Variants in CADPS2 observed in about 807,000 individuals in gnomAD.
The protein encoded by CADPS2 is calcium dependent secretion activator 2.
CADPS2 carries 93 observed loss-of-function variants against 172.5 expected under a neutral mutation model. The observed-to-expected ratio is 0.54, with a 90% CI of 0.46 to 0.64. The LOEUF is 0.64. Among genes scored for constraint, CADPS2 ranks in the 30% least tolerant of loss-of-function variants. CADPS2 has a pLI of 0.00. For synonymous variants in CADPS2, 546 were observed against 555.2 expected (o/e 0.98, Z 0.23); for missense variants, 1,420 against 1,565.9 (o/e 0.91, Z 1.57).
At chr7:122,711,246 C>T (rs777865884) in intron 2 of CADPS2, among the ~76,000 whole-genome samples, 1 of 152,090 alleles carries the variant, frequency 6.6e-6, no homozygotes, top group African/African-American at 2.4e-5. Flanking sequence ...GAATAATATG[C>T]AGCCATAAAG....
intron 1 of CADPS2, among the ~76,000 whole-genome samples, chr7:122,815,505 A>T (rs1159201871): frequency 6.6e-6 from 1 of 152,158 alleles, no homozygotes; most frequent in Admixed American, 6.5e-5. Context: ...GAAAACAAGT[A>T]TAAGTTTTCC....
At chr7:122,343,199 G>T (rs2037048447) in intron 28 of CADPS2, among the ~76,000 whole-genome samples, 1 of 152,060 alleles carries the variant, frequency 6.6e-6, no homozygotes, top group Non-Finnish European at 1.5e-5. Context: ...TAATAAAAAT[G>T]TGCAATTTAA....
intron 1 of CADPS2, among the ~76,000 whole-genome samples, chr7:122,837,010 T>C (rs554614064): frequency 1.9e-4 from 29 of 149,622 alleles, no homozygotes; most frequent in South Asian, 1.7e-3. Flanking sequence ...TATTCCAAAA[T>C]TGACCACACA....
At chr7:122,717,977 A>ATTTTTTTT (rs36154725) in intron 2 of CADPS2, among the ~76,000 whole-genome samples, 1 of 87,174 alleles carries the variant, frequency 1.1e-5, no homozygotes, top group African/African-American at 4.2e-5. Flanking sequence ...CACTCGGCTA[A>ATTTTTTTT]TTTTTTTTTT....
chr7:122,850,484 G>C (rs1799231932), intron 1 of CADPS2: 2 of 227,840 alleles, frequency 8.8e-6, no homozygotes, highest in African/African-American at 4.6e-5. Context: ...TGTCTTCCTT[G>C]TGGCAGGGGG....
intron 1 of CADPS2, among the ~76,000 whole-genome samples, chr7:122,816,759 C>T (rs960679341): frequency 5.3e-5 from 8 of 152,156 alleles, no homozygotes; most frequent in South Asian, 2.1e-4. Context: ...GCCAAGCCAT[C>T]GCATCCCCTG....
chr7:122,387,140 C>T lies in CADPS2; in HGVS notation c.3198G>A (p.Lys1066=). 2 of 1,580,120 alleles carry T rather than the reference C, an allele frequency of 1.3e-6. No individual in the cohort carries two copies. The highest frequency in any genetic ancestry group is 1.7e-6 in the Non-Finnish European group (2 of 1,160,796). The change falls in exon 24 of 30, where the codon AAG becomes AAA. Residue 1066 remains lysine (K), a synonymous_variant. Transcript: ENST00000449022. ...TGCGCAAGTCAGTTGTTTTGCTTGC[C>T]TTTTGTAGCTTGAGTTCAAATGCAG... is the stretch of plus-strand genomic sequence containing the variant. ...TRTAFELKLQ[K]ASKTTDLRIP...
At chr7:122,725,863 G>A (rs566718006) in intron 2 of CADPS2, among the ~76,000 whole-genome samples, 1 of 151,968 alleles carries the variant, frequency 6.6e-6, no homozygotes, top group South Asian at 2.1e-4. Context: ...GTACTTAAGA[G>A]CAAGGTAGAA....
chr7:122,566,470 G>A (rs1036691100), intron 7 of CADPS2, among the ~76,000 whole-genome samples: 6 of 152,102 alleles, frequency 3.9e-5, no homozygotes, highest in African/African-American at 1.4e-4. Context: ...GCACTCCAAT[G>A]TTCATTGCAG....
chr7:122,320,082 G>A lies in CADPS2; in HGVS notation c.*83C>T. On this transcript the variant is annotated 3_prime_UTR_variant, in exon 30 of 30. Coordinates refer to ENST00000449022, the MANE Select transcript of CADPS2 (RefSeq NM_017954.11). ...TTTTTATTTGGCCAAAACAAACAATGAATGTAATTACAAGGACAAGGTTAA... is the reference window on the plus strand; with the variant it reads ...TTTTTATTTGGCCAAAACAAACAATAAATGTAATTACAAGGACAAGGTTAA... The A allele has an allele frequency of 7.9e-7, 1 of 1,262,814 alleles. No individual in the cohort carries two copies. 78.2% of individuals were successfully genotyped at this position (1,262,814 alleles called of 1,614,324 possible). A position where few individuals can be genotyped will look rare whatever the true frequency, so the allele number is the denominator to read the frequency against.
At chr7:122,681,752 A>G in intron 2 of CADPS2, 5 of 547,170 alleles carry the variant, frequency 9.1e-6, no homozygotes, top group Non-Finnish European at 1.5e-5. Flanking sequence ...TAATAAAAGA[A>G]AGAAAAAAAA....
At chr7:122,395,864 C>T (rs536307308) in intron 20 of CADPS2, among the ~76,000 whole-genome samples, 3 of 151,134 alleles carry the variant, frequency 2.0e-5, no homozygotes, top group African/African-American at 7.3e-5. Context: ...GGCTGGAGTG[C>T]AATGGCACGA....
intron 1 of CADPS2, among the ~76,000 whole-genome samples, chr7:122,810,518 G>T (rs1402213808): frequency 1.3e-5 from 2 of 152,154 alleles, no homozygotes; most frequent in Admixed American, 1.3e-4. Context: ...AAAGTAAAAA[G>T]AATCACCTTA....
In CADPS2 at chr7:122,565,703, T is replaced by C. The variant is rs73717685; in HGVS notation, c.1336-11014A>G. On this transcript the variant is annotated intron_variant, in intron 7 of 29. Transcript: ENST00000449022. ...AGGTAAATATTTTTTTCCAGCTTTA[T>C]TGAGGTATACTTGACAAAATTATAC... Among the ~76,000 whole-genome samples the C allele has an allele frequency of 8.0e-3, 1,215 of 152,282 alleles. 16 individuals are homozygous for C. The highest frequency in any genetic ancestry group is 0.028 in the African/African-American group (1,152 of 41,560).
chr7:122,762,739 T>C (rs1301549570), intron 1 of CADPS2, among the ~76,000 whole-genome samples: 2 of 152,118 alleles, frequency 1.3e-5, no homozygotes, highest in Non-Finnish European at 2.9e-5. Flanking sequence ...GATCTTAGGA[T>C]GACAGATAAG....
At chr7:122,577,721 T>C (rs1197557779) in intron 7 of CADPS2, among the ~76,000 whole-genome samples, 1 of 152,192 alleles carries the variant, frequency 6.6e-6, no homozygotes, top group Non-Finnish European at 1.5e-5. Context: ...TTTAACTTTA[T>C]ACAAAAAACT....
chr7:122,509,187 G>A (rs1428651000), intron 9 of CADPS2, among the ~76,000 whole-genome samples: 1 of 152,106 alleles, frequency 6.6e-6, no homozygotes, highest in Non-Finnish European at 1.5e-5. Flanking sequence ...CCCCATGTGT[G>A]CTGAATATTT....
At chr7:122,634,046 T>C (rs2076823391) in intron 3 of CADPS2, among the ~76,000 whole-genome samples, 1 of 152,198 alleles carries the variant, frequency 6.6e-6, no homozygotes, top group African/African-American at 2.4e-5. Flanking sequence ...TTGATTGCTG[T>C]GAATTAACTG....
intron 1 of CADPS2, among the ~76,000 whole-genome samples, chr7:122,827,684 A>AT (rs1805340846): frequency 6.6e-6 from 1 of 151,892 alleles, no homozygotes. Context: ...ATTCTAAACA[A>AT]TTTTTCCAGG....
Sources: gnomAD v4.1 joint callset for allele counts (sites outside exome capture counted in the v4.1 genomes callset) on GRCh38, gnomAD v4.1.1 for gene constraint, MANE v1.5 for transcripts, NCBI Gene and HGNC (gene_info 2026-07-23, HGNC 2026-07-21) for gene names.